CR1: variants seen among roughly 807,000 people sequenced by gnomAD.
CR1 encodes the protein complement receptor type 1.
A neutral mutation model predicts 187.3 loss-of-function variants in CR1; 116 were observed. That is an observed-to-expected ratio of 0.62 (90% confidence interval 0.53 to 0.72). The LOEUF is 0.72. Ranked by LOEUF, CR1 falls within the 30% of genes least tolerant of loss-of-function variation. The probability of loss-of-function intolerance (pLI) is 0.00; values close to 1 mark genes in which losing one functional copy is unlikely to be tolerated. For missense variants in CR1, 1,731 were observed against 2,110.7 expected (o/e 0.82, Z 3.52); for synonymous variants, 576 against 747.1 (o/e 0.77, Z 3.73).
At chr1:207,589,813 T>G (rs938932882) in intron 35 of CR1, among the ~76,000 whole-genome samples, 2 of 152,074 alleles carry the variant, frequency 1.3e-5, no homozygotes, top group South Asian at 2.1e-4. Context: ...AAGAACTTCA[T>G]GAAGCATACA....
intron 4 of CR1, among the ~76,000 whole-genome samples, chr1:207,512,549 C>T (rs1304479931): frequency 1.3e-5 from 2 of 152,194 alleles, no homozygotes; most frequent in East Asian, 1.9e-4. Context: ...TCTTACTCTT[C>T]TCTTTGGATA....
intron 43 of CR1, among the ~76,000 whole-genome samples, chr1:207,621,216 A>G (rs1384634393): frequency 6.6e-6 from 1 of 152,112 alleles, no homozygotes; most frequent in African/African-American, 2.4e-5. Context: ...TGGAGGTTAC[A>G]GTGAGCCGAG....
In CR1 at chr1:207,523,704, G is replaced by A. The variant is rs575341867; in HGVS notation, c.581G>A (p.Arg194His). 5.6e-5 allele frequency: 90 copies of A among 1,613,458 alleles called. No individual in the cohort carries two copies. The highest frequency in any genetic ancestry group is 1.5e-4 in the South Asian group (14 of 91,062). Reference sequence around the variant, plus strand: ...CACTATGGATCAGTGGTGACCTACCGCTGCAATCCTGGAAGCGGAGGGAGA... The same window carrying A: ...CACTATGGATCAGTGGTGACCTACCACTGCAATCCTGGAAGCGGAGGGAGA... ...NFHYGSVVTY[R>H]CNPGSGGRKV... Residue 194 changes from arginine (R) to histidine (H), a missense_variant, in exon 5 of 47, where the codon CGC becomes CAC. Around this residue, in one of 5 missense-constraint regions of CR1, gnomAD observed 131 missense variants for 196.8 expected, o/e 0.67. Transcript: ENST00000367049.
intron 35 of CR1, among the ~76,000 whole-genome samples, chr1:207,590,173 T>C (rs1345415289): frequency 2.0e-5 from 3 of 151,904 alleles, no homozygotes; most frequent in African/African-American, 7.3e-5. Flanking sequence ...TCACCAAGGT[T>C]GAAATGAAGG....
intron 40 of CR1, among the ~76,000 whole-genome samples, chr1:207,614,965 C>T (rs12072448): frequency 1.6e-3 from 240 of 152,132 alleles, no homozygotes; most frequent in African/African-American, 5.1e-3. Context: ...CATGCCACCA[C>T]ACCTGGCTAA....
intron 4 of CR1, among the ~76,000 whole-genome samples, chr1:207,520,968 GTTTTTTTTTTT>G (rs141546660): frequency 1.6e-4 from 7 of 44,570 alleles, no homozygotes; most frequent in East Asian, 7.8e-4. Flanking sequence ...TTTTTTGGTT[GTTTTTTTTTTT>G]TTTTTTTTTT....
chr1:207,609,632 C>T lies in CR1; in HGVS notation c.6239C>T (p.Thr2080Ile), dbSNP rs1467500596. 1.9e-6 allele frequency: 3 copies of T among 1,608,594 alleles called. No individual in the cohort carries two copies. Among genetic ancestry groups the T allele is most frequent in the Non-Finnish European group, 8.5e-7 (1 of 1,177,428 alleles). ...QPGFVMVGSHTVQCQTNGRWG... is the reference protein window; with the variant it reads ...QPGFVMVGSHIVQCQTNGRWG... ...GGGTTTGTCATGGTAGGGTCCCACACTGTGCAGTGCCAGACCAATGGCAGA... is the reference window on the plus strand; with the variant it reads ...GGGTTTGTCATGGTAGGGTCCCACATTGTGCAGTGCCAGACCAATGGCAGA... The change falls in exon 37 of 47, where the codon ACT (threonine) becomes ATT (isoleucine). Residue 2080 changes from threonine (T) to isoleucine (I), a missense_variant. By Grantham distance (89) the Thr-to-Ile change is moderately conservative (BLOSUM62 -1). Coordinates refer to ENST00000367049, the MANE Select transcript of CR1 (RefSeq NM_000651.6).
Position 207,609,467 on chromosome 1 carries a change from T to G in CR1, c.6074T>G (p.Val2025Gly). Residue 2025 changes from valine to glycine, a missense_variant, in exon 37 of 47, where the codon GTT becomes GGT. Val to Gly is a moderately radical substitution (Grantham distance 109, BLOSUM62 -3). Around this residue, in one of 5 missense-constraint regions of CR1, gnomAD observed 1,312 missense variants for 1,379.6 expected, o/e 0.95. Coordinates refer to ENST00000367049, the MANE Select transcript of CR1 (RefSeq NM_000651.6). ...TATTGCACCAGCAAAGATGATCAAG[T>G]TGGTGTTTGGAGCAGCCCTCCCCCT... is the stretch of plus-strand genomic sequence containing the variant. Reference protein sequence around the residue: ...SIYCTSKDDQVGVWSSPPPRC... With the variant: ...SIYCTSKDDQGGVWSSPPPRC... 1 of 1,614,016 alleles carries G rather than the reference T, an allele frequency of 6.2e-7. No homozygotes were observed. Among genetic ancestry groups the G allele is most frequent in the Non-Finnish European group, 8.5e-7 (1 of 1,179,876 alleles).
intron 45 of CR1, among the ~76,000 whole-genome samples, chr1:207,624,128 C>A (rs994303715): frequency 2.0e-5 from 3 of 151,732 alleles, no homozygotes; most frequent in Admixed American, 6.6e-5. Flanking sequence ...GTTTTGCCAT[C>A]TTGGCCAGGC....
At chr1:207,638,347 C>T (rs945875004) in intron 46 of CR1, among the ~76,000 whole-genome samples, 9 of 152,190 alleles carry the variant, frequency 5.9e-5, no homozygotes, top group Middle Eastern at 3.2e-3. Flanking sequence ...AGTACTGTCT[C>T]GATTATCTGG....
chr1:207,510,746 T>C (rs12734315), intron 3 of CR1, among the ~76,000 whole-genome samples: 9,469 of 148,258 alleles, frequency 0.064, 998 homozygotes, highest in African/African-American at 0.22. Context: ...TCCTTCCTTC[T>C]TTCCTTCCTT....
At position 207,506,315 on chromosome 1, in the gene CR1, T is replaced by G. The variant is rs56010952; in HGVS notation, c.301+232T>G. Among the ~76,000 whole-genome samples, 123 of 152,308 alleles carry G rather than the reference T, an allele frequency of 8.1e-4. No individual in the cohort carries two copies. The East Asian group carries it at 0.013, about 16-fold the overall frequency. On this transcript the variant is annotated intron_variant, in intron 2 of 46. Transcript: ENST00000367049. Reference sequence around the variant, plus strand: ...ATTGCAGGACATGATTGAGGGAAAATCCCCATTCACTGGGGGTCTCCCATT... The same window carrying G: ...ATTGCAGGACATGATTGAGGGAAAAGCCCCATTCACTGGGGGTCTCCCATT...
At position 207,619,978 on chromosome 1, in the gene CR1, G is replaced by A. The variant is rs1662266485; in HGVS notation, c.7165G>A (p.Glu2389Lys). The stretch of plus-strand genomic sequence containing the variant: ...TGGAGATTATGTGACTTTGAAGTGT[G>A]AAGATGGGTATACTCTGGAAGGCAG... ...HYGDYVTLKCEDGYTLEGSPW... is the reference protein window; with the variant it reads ...HYGDYVTLKCKDGYTLEGSPW... The change falls in exon 43 of 47, where the codon GAA becomes AAA. Residue 2389 changes from glutamate (E) to lysine (K), a missense_variant. By Grantham distance (56) the Glu-to-Lys change is moderately conservative. Around this residue, in one of 5 missense-constraint regions of CR1, gnomAD observed 1,312 missense variants for 1,379.6 expected, o/e 0.95. Coordinates refer to ENST00000367049, the MANE Select transcript of CR1 (RefSeq NM_000651.6). 6.2e-7 allele frequency: 1 copy of A among 1,613,760 alleles called. No homozygotes were observed. The highest frequency in any genetic ancestry group is 8.5e-7 in the Non-Finnish European group (1 of 1,179,796).
intron 44 of CR1, among the ~76,000 whole-genome samples, chr1:207,622,560 G>T (rs12073268): frequency 2.0e-5 from 3 of 152,180 alleles, no homozygotes; most frequent in Non-Finnish European, 4.4e-5. Flanking sequence ...GGTAGCCTGG[G>T]TCTACTTATC....
At chr1:207,629,608 T>G (rs948609257) in intron 45 of CR1, among the ~76,000 whole-genome samples, 2 of 152,204 alleles carry the variant, frequency 1.3e-5, no homozygotes, top group Non-Finnish European at 2.9e-5. Flanking sequence ...TGGTAAAGAA[T>G]AACTGAGTGA....
intron 35 of CR1, among the ~76,000 whole-genome samples, chr1:207,602,393 A>T (rs903438240): frequency 6.6e-6 from 1 of 152,160 alleles, no homozygotes. Flanking sequence ...TAAATTGACT[A>T]TTAAATAAAA....
intron 39 of CR1, 98 bp downstream of exon 39, chr1:207,612,139 A>G: frequency 3.3e-6 from 4 of 1,221,182 alleles, no homozygotes; most frequent in Non-Finnish European, 4.7e-6. Context: ...CTAGTAGATA[A>G]GAAGTACCCA....
intron 35 of CR1, among the ~76,000 whole-genome samples, chr1:207,598,464 G>C (rs982159943): frequency 6.6e-6 from 1 of 150,520 alleles, no homozygotes; most frequent in Non-Finnish European, 1.5e-5. Flanking sequence ...TCTGTCACCA[G>C]GCTGGAGTGC....
chr1:207,634,797 G>A (rs1420888011), intron 46 of CR1, among the ~76,000 whole-genome samples: 1 of 151,978 alleles, frequency 6.6e-6, no homozygotes, highest in Non-Finnish European at 1.5e-5. Context: ...TTCTGAAGCT[G>A]ACCCCTCCAA....
Sources: gnomAD v4.1 joint callset for allele counts (sites outside exome capture counted in the v4.1 genomes callset) on GRCh38, gnomAD v4.1.1 for gene constraint, gnomAD v4.1.1 regional missense constraint, MANE v1.5 for transcripts, NCBI Gene and HGNC (gene_info 2026-07-23, HGNC 2026-07-21) for gene names.